Variants in SLC14A2 observed in about 807,000 individuals in gnomAD.
SLC14A2 encodes the protein solute carrier family 14 member 2, also known as urea transporter 2.
SLC14A2 carries 91 observed loss-of-function variants against 104.6 expected under a neutral mutation model. The observed-to-expected ratio is 0.87, with a 90% CI of 0.73 to 1.04. SLC14A2 has a LOEUF of 1.04. Among genes scored for constraint, SLC14A2 ranks in the 50% least tolerant of loss-of-function variants. The pLI, the probability that SLC14A2 is intolerant of heterozygous loss-of-function variation, is 0.00. For synonymous variants in SLC14A2, 476 were observed against 466.4 expected (o/e 1.02, Z -0.27); for missense variants, 1,189 against 1,156.0 (o/e 1.03, Z -0.41).
intron 2 of SLC14A2, among the ~76,000 whole-genome samples, chr18:45,519,973 G>T (rs1477468431): frequency 6.6e-6 from 1 of 152,212 alleles, no homozygotes; most frequent in Non-Finnish European, 1.5e-5. Context: ...TGCATACATG[G>T]ATGGGAGCTA....
chr18:45,545,262 T>C (rs1172033979), intron 2 of SLC14A2, among the ~76,000 whole-genome samples: 1 of 152,264 alleles, frequency 6.6e-6, no homozygotes, highest in East Asian at 1.9e-4. Context: ...GCTTTTATTT[T>C]AAAAATGGTA....
intron 2 of SLC14A2, chr18:45,492,258 A>G (rs1375282077): frequency 6.6e-6 from 1 of 152,250 alleles, no homozygotes; most frequent in African/African-American, 2.4e-5. Context: ...CCTAATGCCA[A>G]GGGAGGCTAG....
chr18:45,582,497 T>A (rs952688802), intron 2 of SLC14A2, among the ~76,000 whole-genome samples: 2 of 151,624 alleles, frequency 1.3e-5, no homozygotes, highest in Admixed American at 6.6e-5. Context: ...TAAAAAAAAA[T>A]TCATTTCAAG....
In SLC14A2 at chr18:45,256,470, G is replaced by A. The variant is rs533299051; in HGVS notation, c.-125+43279G>A. On this transcript the variant is annotated intron_variant, in intron 1 of 20. Coordinates refer to the SLC14A2 transcript ENST00000586448. ...GGTGTGTTGTGCAGGGCCAAGAATG[G>A]CCTTCTGTGTCCTGCCTCTCCTTCT... 2.0e-4 allele frequency among the ~76,000 whole-genome samples: 31 copies of A among 152,286 alleles called. 1 individual carries two copies. In the South Asian group the frequency reaches 3.9e-3, roughly 19 times the overall value.
intron 1 of SLC14A2, among the ~76,000 whole-genome samples, chr18:45,377,286 C>G (rs2085785898): frequency 6.6e-6 from 1 of 151,856 alleles, no homozygotes; most frequent in Admixed American, 6.6e-5. Context: ...TTTCTTTTCC[C>G]CTAAACACAG....
chr18:45,320,448 C>T, intron 1 of SLC14A2, among the ~76,000 whole-genome samples: 1 of 152,184 alleles, frequency 6.6e-6, no homozygotes, highest in Non-Finnish European at 1.5e-5. Flanking sequence ...GCTTATTCCC[C>T]AAAGACATGA....
Position 45,659,221 on chromosome 18 carries a change from G to A in SLC14A2, c.1352-4564G>A, listed in dbSNP as rs561079507. 3.9e-5 allele frequency among the ~76,000 whole-genome samples: 6 copies of A among 152,348 alleles called. No homozygotes were observed. In the South Asian group the frequency reaches 1.0e-3, roughly 26 times the overall value. ...AGCCAGGTGCTGTAGCAGAGTCCCT[G>A]GGCTCAGGCCCTCTGGCCATAAACA... On this transcript the variant is annotated intron_variant, in intron 10 of 19. Transcript: ENST00000255226.
chr18:45,658,461 G>C (rs183725576), intron 10 of SLC14A2, among the ~76,000 whole-genome samples: 1 of 151,976 alleles, frequency 6.6e-6, no homozygotes, highest in African/African-American at 2.4e-5. Context: ...CACACCTGTA[G>C]TCCCAGCTAC....
intron 1 of SLC14A2, among the ~76,000 whole-genome samples, chr18:45,213,725 G>A (rs1345893823): frequency 2.6e-5 from 4 of 152,132 alleles, no homozygotes; most frequent in African/African-American, 9.7e-5. Context: ...TTAAAAACCA[G>A]TCAAATCCTT....
Position 45,682,696 on chromosome 18 carries a change from C to G in SLC14A2, c.*177C>G. ...CCTCTCTTTTCTAAGATGCACAACA[C>G]TTATCAAAGATATGTTTAGTTTAGA... On this transcript the variant is annotated 3_prime_UTR_variant, in exon 20 of 20. Transcript: ENST00000255226. 3 of 614,708 alleles carry G rather than the reference C, an allele frequency of 4.9e-6. No individual in the cohort carries two copies. Among genetic ancestry groups the G allele is most frequent in the Non-Finnish European group, 8.8e-6 (3 of 341,566 alleles). The allele number at this position is 614,708 out of a possible 1,614,324, so 38.1% of individuals were successfully genotyped here.
At chr18:45,559,073 G>C (rs2044170559) in intron 2 of SLC14A2, among the ~76,000 whole-genome samples, 1 of 152,152 alleles carries the variant, frequency 6.6e-6, no homozygotes, top group Admixed American at 6.5e-5. Flanking sequence ...ACAAGCATGA[G>C]CCACTGCACC....
At chr18:45,328,042 A>G (rs1239135460) in intron 1 of SLC14A2, among the ~76,000 whole-genome samples, 1 of 152,162 alleles carries the variant, frequency 6.6e-6, no homozygotes. Flanking sequence ...GGTTTGGTAA[A>G]CATAGCCCTC....
At chr18:45,498,860 T>C (rs568217141) in intron 2 of SLC14A2, among the ~76,000 whole-genome samples, 2 of 152,364 alleles carry the variant, frequency 1.3e-5, no homozygotes, top group South Asian at 2.1e-4. Context: ...CTCTCCTTCC[T>C]ACTCTCCACC....
chr18:45,479,416 C>T (rs79937942), intron 1 of SLC14A2, among the ~76,000 whole-genome samples: 1 of 152,166 alleles, frequency 6.6e-6, no homozygotes, highest in Non-Finnish European at 1.5e-5. Context: ...CTCAAAAGAA[C>T]TTTAACAATG....
intron 5 of SLC14A2, among the ~76,000 whole-genome samples, chr18:45,636,256 G>A (rs1430131978): frequency 6.6e-6 from 1 of 152,212 alleles, no homozygotes; most frequent in African/African-American, 2.4e-5. Flanking sequence ...GCAGGTCACT[G>A]AGTGTGGATG....
At chr18:45,590,343 G>A (rs1161966136) in intron 2 of SLC14A2, among the ~76,000 whole-genome samples, 1 of 152,106 alleles carries the variant, frequency 6.6e-6, no homozygotes, top group Non-Finnish European at 1.5e-5. Flanking sequence ...TAAACTCACA[G>A]GCCCATACTC....
intron 1 of SLC14A2, among the ~76,000 whole-genome samples, chr18:45,304,431 G>A (rs1043819548): frequency 1.3e-5 from 2 of 152,160 alleles, no homozygotes; most frequent in South Asian, 2.1e-4. Context: ...TTTTGTCTCT[G>A]TTTCTAAGCT....
intron 1 of SLC14A2, among the ~76,000 whole-genome samples, chr18:45,618,670 A>C (rs1599072483): frequency 4.6e-5 from 2 of 43,058 alleles, no homozygotes; most frequent in African/African-American, 2.8e-4. Flanking sequence ...ACTCTGTCTC[A>C]AAAAAAAAAA....
chr18:45,405,672 G>A (rs1032695901), intron 1 of SLC14A2, among the ~76,000 whole-genome samples: 9 of 152,268 alleles, frequency 5.9e-5, no homozygotes, highest in African/African-American at 2.2e-4. Context: ...GGAGGCCGAG[G>A]CAGGTGGATC....
Sources: gnomAD v4.1 joint callset for allele counts (sites outside exome capture counted in the v4.1 genomes callset) on GRCh38, gnomAD v4.1.1 for gene constraint, MANE v1.5 for transcripts, NCBI Gene and HGNC (gene_info 2026-07-23, HGNC 2026-07-21) for gene names.